MYO9A: variants seen among roughly 807,000 people sequenced by gnomAD.
The protein encoded by MYO9A is unconventional myosin-IXa.
In MYO9A, 103 loss-of-function variants were observed where a neutral mutation model predicts 293.3. The observed-to-expected ratio is 0.35, with a 90% CI of 0.30 to 0.41. MYO9A has a LOEUF of 0.41. Among genes scored for constraint, MYO9A ranks in the 10% least tolerant of loss-of-function variants. The pLI is 1.00. For missense variants in MYO9A, 2,685 were observed against 3,033.0 expected (o/e 0.89, Z 2.69); for synonymous variants, 1,001 against 1,035.7 (o/e 0.97, Z 0.64).
At chr15:72,106,170 A>G (rs1308741609) in intron 1 of MYO9A, among the ~76,000 whole-genome samples, 1 of 152,154 alleles carries the variant, frequency 6.6e-6, no homozygotes, top group Non-Finnish European at 1.5e-5. Context: ...CAGGATGAAA[A>G]AGATGGGGAT....
chr15:71,827,753 A>T (rs2054566373), intron 41 of MYO9A, 131 bp downstream of exon 41: 1 of 1,080,438 alleles, frequency 9.3e-7, no homozygotes, highest in Non-Finnish European at 1.3e-6. Context: ...TAAAAGGACA[A>T]AATTCCTCAA....
At chr15:71,902,152 C>T (rs373639132) in intron 22 of MYO9A, among the ~76,000 whole-genome samples, 46 of 151,740 alleles carry the variant, frequency 3.0e-4, no homozygotes, top group East Asian at 7.8e-4. Context: ...CTGAGTAACA[C>T]AGAGAGTTGA....
At chr15:71,864,381 G>A (rs752195805) in intron 32 of MYO9A, among the ~76,000 whole-genome samples, 1 of 152,202 alleles carries the variant, frequency 6.6e-6, no homozygotes, top group Non-Finnish European at 1.5e-5. Flanking sequence ...TACTGCAGGT[G>A]GGATTGTAAA....
intron 15 of MYO9A, among the ~76,000 whole-genome samples, chr15:71,943,837 G>A (rs763084339): frequency 2.0e-5 from 3 of 152,068 alleles, no homozygotes; most frequent in Admixed American, 6.6e-5. Flanking sequence ...AGATTCATAC[G>A]TAAAAGTCTT....
intron 1 of MYO9A, among the ~76,000 whole-genome samples, chr15:72,052,071 G>A (rs1366382726): frequency 6.6e-6 from 1 of 152,150 alleles, no homozygotes; most frequent in Non-Finnish European, 1.5e-5. Flanking sequence ...GCCAGACTTG[G>A]GGAGACAACC....
chr15:71,842,541 C>T (rs73432496), intron 39 of MYO9A, among the ~76,000 whole-genome samples: 3,163 of 152,022 alleles, frequency 0.021, 108 homozygotes, highest in African/African-American at 0.074. Context: ...GTCCAGAGTC[C>T]ATGCTGTGCT....
At chr15:72,065,446 C>T (rs1182527760) in intron 1 of MYO9A, among the ~76,000 whole-genome samples, 3 of 148,334 alleles carry the variant, frequency 2.0e-5, no homozygotes, top group Non-Finnish European at 4.4e-5. Context: ...ACCCGGGAGG[C>T]GGAGGTTGCA....
rs138951558 is a variant in MYO9A at position 71,971,503 on chromosome 15, G to A, written c.1845-3378C>T. Among the ~76,000 whole-genome samples, 676 of 150,932 alleles carry A rather than the reference G, an allele frequency of 4.5e-3. 4 individuals are homozygous for A. The highest frequency in any genetic ancestry group is 0.01 in the Middle Eastern group (3 of 290). ...TCAGGAGGCTGAGGCGAGATCACTCGAGCCCATAAATTCAAGGCTTCAGTA... is the reference window on the plus strand; with the variant it reads ...TCAGGAGGCTGAGGCGAGATCACTCAAGCCCATAAATTCAAGGCTTCAGTA... On this transcript the variant is annotated intron_variant, in intron 12 of 41. Coordinates refer to ENST00000356056, the MANE Select transcript of MYO9A (RefSeq NM_006901.4).
rs560500286 is a variant in MYO9A, at chr15:72,054,635, G to A, written c.-71-8001C>T. 7.5e-5 allele frequency among the ~76,000 whole-genome samples: 10 copies of A among 132,986 alleles called. 1 individual carries two copies. The East Asian group carries it at 8.9e-4, about 12-fold the overall frequency. 87.2% of individuals were successfully genotyped at this position (132,986 alleles called of 152,430 possible). A position where few individuals can be genotyped will look rare whatever the true frequency, so the allele number is the denominator to read the frequency against. Reference sequence around the variant, plus strand: ...GAAGTGAGTAAAGTGAGTAGAGATCGTGCCACTGCACTCCAGCCTGGAGAC... The same window carrying A: ...GAAGTGAGTAAAGTGAGTAGAGATCATGCCACTGCACTCCAGCCTGGAGAC... On this transcript the variant is annotated intron_variant, in intron 1 of 41. Transcript: ENST00000356056.
intron 40 of MYO9A, among the ~76,000 whole-genome samples, chr15:71,828,917 C>G (rs1231187431): frequency 6.6e-6 from 1 of 152,168 alleles, no homozygotes; most frequent in African/African-American, 2.4e-5. Flanking sequence ...TCTTACTCAC[C>G]TTCTAATCAA....
chr15:71,979,449 C>A (rs912439387), intron 11 of MYO9A, among the ~76,000 whole-genome samples: 1 of 152,002 alleles, frequency 6.6e-6, no homozygotes, highest in South Asian at 2.1e-4. Context: ...CTATCCAAAC[C>A]CTCCTACCCA....
At chr15:71,986,632 G>C (rs574252257) in intron 11 of MYO9A, among the ~76,000 whole-genome samples, 1 of 152,206 alleles carries the variant, frequency 6.6e-6, no homozygotes, top group African/African-American at 2.4e-5. Context: ...GTATGTATGT[G>C]TCTTTGCTTT....
At chr15:71,852,552 G>A (rs1006293414) in intron 35 of MYO9A, among the ~76,000 whole-genome samples, 2 of 151,938 alleles carry the variant, frequency 1.3e-5, no homozygotes, top group East Asian at 1.9e-4. Context: ...TAGTAGAGAC[G>A]GGGTTTCTCC....
rs1253006074 is a variant in MYO9A, at chr15:71,960,094, ATCCT to A, written c.1987-2_1988del. ...TATGATCTGTATTTTTTTCCCGGAA[ATCCT>A]ATATGAAAAAAGTACCAGTGTTACT... On this transcript the variant is annotated splice_acceptor_variant and coding_sequence_variant, in exon 14 of 42. Transcript: ENST00000356056. LOFTEE classifies it high-confidence loss of function. 1 of 1,613,516 alleles carries A rather than the reference ATCCT, an allele frequency of 6.2e-7. No individual in the cohort carries two copies. The highest frequency in any genetic ancestry group is 8.5e-7 in the Non-Finnish European group (1 of 1,179,770).
intron 1 of MYO9A, among the ~76,000 whole-genome samples, chr15:72,116,632 A>G (rs1023759642): frequency 5.3e-5 from 8 of 152,212 alleles, no homozygotes; most frequent in Non-Finnish European, 8.8e-5. Flanking sequence ...CAGTGAATCC[A>G]AAAAAAGTCC....
intron 3 of MYO9A, among the ~76,000 whole-genome samples, chr15:72,029,070 AAAG>A (rs66964695): frequency 0.013 from 1,949 of 152,336 alleles, 20 homozygotes; most frequent in East Asian, 0.02. Context: ...AAAAGGATGT[AAAG>A]AAGAATTCCC....
In MYO9A at chr15:72,098,231, G is replaced by GCT. The variant is rs148558014; in HGVS notation, c.-72+19447_-72+19448dup. On this transcript the variant is annotated intron_variant, in intron 1 of 41. Coordinates refer to ENST00000356056, the MANE Select transcript of MYO9A (RefSeq NM_006901.4). ...TGGCAACATGGCTTCTATCTGGTAT[G>GCT]CTCTCTCTCTCAGGAATTCCACTGA... 5.5e-3 allele frequency among the ~76,000 whole-genome samples: 835 copies of GCT among 151,288 alleles called. 10 individuals carry two copies. Among genetic ancestry groups the GCT allele is most frequent in the African/African-American group, 0.019 (789 of 41,176 alleles).
chr15:71,898,914 A>C lies in MYO9A; in HGVS notation c.3589T>G (p.Cys1197Gly), dbSNP rs1047676153. Residue 1197 changes from cysteine (C) to glycine (G), a missense_variant, in exon 25 of 42, where the codon TGT becomes GGT. Physicochemically the swap from Cys to Gly is radical, Grantham distance 159. Around this residue, in one of 10 missense-constraint regions of MYO9A, gnomAD observed 1,434 missense variants for 1,497.7 expected, o/e 0.96. Transcript: ENST00000356056. ...GCTTTTATTCTGTTGTCAAAAGAAC[A>C]ATCCTCCCATCCTGAAGGGTCTGAA... ...QGSDPSGWED[C>G]SFDNRIKAIE... 1 of 1,613,964 alleles carries C rather than the reference A, an allele frequency of 6.2e-7. No individual in the cohort carries two copies. The highest frequency in any genetic ancestry group is 8.5e-7 in the Non-Finnish European group (1 of 1,179,980).
intron 10 of MYO9A, among the ~76,000 whole-genome samples, 197 bp from the exon 11 acceptor site, chr15:71,991,434 A>C (rs576351312): frequency 1.3e-5 from 2 of 152,364 alleles, no homozygotes; most frequent in Admixed American, 1.3e-4. Context: ...AATTAAAAAA[A>C]TATATCCAAA....
Sources: gnomAD v4.1 joint callset for allele counts (sites outside exome capture counted in the v4.1 genomes callset) on GRCh38, gnomAD v4.1.1 for gene constraint, gnomAD v4.1.1 regional missense constraint, MANE v1.5 for transcripts, NCBI Gene and HGNC (gene_info 2026-07-23, HGNC 2026-07-21) for gene names.